SLMAP: variants seen among roughly 807,000 people sequenced by gnomAD.
SLMAP encodes the protein sarcolemma associated protein.
In SLMAP, 44 loss-of-function variants were observed where a neutral mutation model predicts 128.8. The observed-to-expected ratio is 0.34, with a 90% CI of 0.27 to 0.44. SLMAP has a LOEUF of 0.44. Among genes scored for constraint, SLMAP ranks in the 20% least tolerant of loss-of-function variants. The pLI is 1.00. For synonymous variants in SLMAP, 327 were observed against 348.8 expected, an observed-to-expected ratio of 0.94 and a Z score of 0.70; for missense variants, 787 against 985.3, an observed-to-expected ratio of 0.80 and a Z score of 2.69.
chr3:57,912,266 A>T, intron 19 of SLMAP, 115 bp from the exon 20 acceptor site: 1 of 829,390 alleles, frequency 1.2e-6, no homozygotes, highest in Non-Finnish European at 1.9e-6. Context: ...GATTGTTTAT[A>T]CACTTTAATC....
Position 57,757,860 on chromosome 3 carries a change from C to T in SLMAP, c.198+11C>T. Reference sequence around the variant, plus strand: ...CACAAGACGGGCAAGGTAATGTCACCACATTGTCCAGCGGCATTGTTTAAC... The same window carrying T: ...CACAAGACGGGCAAGGTAATGTCACTACATTGTCCAGCGGCATTGTTTAAC... On this transcript the variant is annotated intron_variant, in intron 2 of 24. Coordinates refer to ENST00000671191, the MANE Select transcript of SLMAP (RefSeq NM_001377540.1). 6.2e-7 allele frequency: 1 copy of T among 1,612,992 alleles called. No homozygotes were observed. The highest frequency in any genetic ancestry group is 8.5e-7 in the Non-Finnish European group (1 of 1,179,070).
intron 2 of SLMAP, among the ~76,000 whole-genome samples, chr3:57,818,481 A>G (rs1326645067): frequency 6.6e-6 from 1 of 152,192 alleles, no homozygotes; most frequent in East Asian, 1.9e-4. Context: ...TATCTGAAGT[A>G]TGGGGATAAT....
chr3:57,905,772 A>G lies in SLMAP; in HGVS notation c.1502-2112A>G, dbSNP rs181696363. 1.1e-4 allele frequency among the ~76,000 whole-genome samples: 17 copies of G among 152,282 alleles called. No homozygotes were observed. The East Asian group carries it at 2.3e-3, about 21-fold the overall frequency. ...GTATAAAATTTTTTTTGATTATCAA[A>G]TTATTAACATACAGCAATAGTCCTC... On this transcript the variant is annotated intron_variant, in intron 17 of 24. Transcript: ENST00000671191.
chr3:57,823,520 T>G (rs2092692209), intron 2 of SLMAP, among the ~76,000 whole-genome samples: 1 of 152,212 alleles, frequency 6.6e-6, no homozygotes, highest in African/African-American at 2.4e-5. Flanking sequence ...GTTTCCAGCT[T>G]CATCCATGTC....
intron 3 of SLMAP, among the ~76,000 whole-genome samples, chr3:57,834,956 T>C (rs2093554390): frequency 6.6e-6 from 1 of 151,270 alleles, no homozygotes; most frequent in Non-Finnish European, 1.5e-5. Flanking sequence ...ACCCCATCTC[T>C]ACCAAAAATG....
chr3:57,889,476 G>A (rs976862280), intron 14 of SLMAP, among the ~76,000 whole-genome samples: 3 of 152,158 alleles, frequency 2.0e-5, no homozygotes, highest in Admixed American at 6.5e-5. Context: ...TCAATGAAAC[G>A]TGGAATATGA....
At chr3:57,819,669 C>A (rs2092319615) in intron 2 of SLMAP, among the ~76,000 whole-genome samples, 1 of 152,142 alleles carries the variant, frequency 6.6e-6, no homozygotes, top group Non-Finnish European at 1.5e-5. Flanking sequence ...AACCTAGTGA[C>A]CTTGTTCTTT....
Position 57,890,118 on chromosome 3 carries a change from CTATGTTTTTT to C in SLMAP, c.1360+19_1360+28del. 6.2e-7 allele frequency: 1 copy of C among 1,612,552 alleles called. No homozygotes were observed. On this transcript the variant is annotated intron_variant, in intron 15 of 24. Transcript: ENST00000671191. ...TTCAAAAGGTTTGTTTTCTGTTTTT[CTATGTTTTTT>C]GACAGTTCTTTTGGATAATGAAGGT...
chr3:57,802,421 G>C (rs2088751250), intron 2 of SLMAP, among the ~76,000 whole-genome samples: 2 of 152,018 alleles, frequency 1.3e-5, no homozygotes, highest in South Asian at 4.1e-4. Context: ...GGGATTACAG[G>C]CATGTGCCAC....
chr3:57,902,350 A>G (rs2096406871), intron 17 of SLMAP, among the ~76,000 whole-genome samples: 1 of 152,240 alleles, frequency 6.6e-6, no homozygotes, highest in African/African-American at 2.4e-5. Flanking sequence ...AAAAATCACA[A>G]GCTAGATCAA....
intron 6 of SLMAP, among the ~76,000 whole-genome samples, chr3:57,853,541 T>C (rs1261176983): frequency 2.0e-5 from 3 of 152,178 alleles, no homozygotes; most frequent in Non-Finnish European, 4.4e-5. Context: ...CTAAGTGCTA[T>C]GAGCATTTCA....
chr3:57,814,846 G>T lies in SLMAP; in HGVS notation c.199-16537G>T, dbSNP rs188589898. 1.1e-3 allele frequency among the ~76,000 whole-genome samples: 173 copies of T among 152,134 alleles called. 1 individual carries two copies. The highest frequency in any genetic ancestry group is 1.8e-3 in the Admixed American group (27 of 15,288). ...AAAACAAAACAAAAAAACTAGCTGGGTGTGGTGAATGTGTGCCTGTAGTCC... is the reference window on the plus strand; with the variant it reads ...AAAACAAAACAAAAAAACTAGCTGGTTGTGGTGAATGTGTGCCTGTAGTCC... On this transcript the variant is annotated intron_variant, in intron 2 of 24. Transcript: ENST00000671191.
At chr3:57,847,359 G>T in intron 5 of SLMAP, 126 bp downstream of exon 5, 3 of 607,884 alleles carry the variant, frequency 4.9e-6, no homozygotes, top group African/African-American at 1.9e-5. Context: ...AATGCATATA[G>T]CTATATAGTT....
chr3:57,805,152 C>G (rs1477418921), intron 2 of SLMAP, among the ~76,000 whole-genome samples: 1 of 152,094 alleles, frequency 6.6e-6, no homozygotes, highest in African/African-American at 2.4e-5. Context: ...ACCTTTTTGA[C>G]TATGAAATTC....
rs190750702 is a variant in SLMAP at position 57,810,348 on chromosome 3, G to A, written c.199-21035G>A. Reference sequence around the variant, plus strand: ...GGGATCCAGGCTGGTAGCATGAACCGAGTGCAGCCTGCCAGCCCAAGTAGG... The same window carrying A: ...GGGATCCAGGCTGGTAGCATGAACCAAGTGCAGCCTGCCAGCCCAAGTAGG... On this transcript the variant is annotated intron_variant, in intron 2 of 24. Coordinates refer to ENST00000671191, the MANE Select transcript of SLMAP (RefSeq NM_001377540.1). 1.4e-3 allele frequency among the ~76,000 whole-genome samples: 213 copies of A among 152,290 alleles called. 1 individual carries two copies. The highest frequency in any genetic ancestry group is 4.4e-3 in the African/African-American group (185 of 41,584).
chr3:57,907,699 A>G (rs556482287), intron 17 of SLMAP, among the ~76,000 whole-genome samples, 185 bp from the exon 18 acceptor site: 1 of 152,352 alleles, frequency 6.6e-6, no homozygotes, highest in East Asian at 1.9e-4. Context: ...ACTAATATAT[A>G]TAACTGTATT....
At chr3:57,871,725 A>G in intron 14 of SLMAP, 27 bp downstream of exon 14, 1 of 1,554,006 alleles carries the variant, frequency 6.4e-7, no homozygotes, top group South Asian at 1.1e-5. Context: ...TTTCACATTG[A>G]TTTTAATGAA....
intron 2 of SLMAP, among the ~76,000 whole-genome samples, chr3:57,793,943 T>G (rs266845): frequency 0.15 from 22,677 of 151,612 alleles, 2,225 homozygotes; most frequent in East Asian, 0.43. Context: ...GGTGTATTCC[T>G]GTAGCCCCAG....
intron 2 of SLMAP, among the ~76,000 whole-genome samples, chr3:57,776,123 A>G (rs1368694571): frequency 2.0e-5 from 3 of 152,192 alleles, no homozygotes. Flanking sequence ...AGTAGCAGTT[A>G]GTTGTTATTC....
Sources: gnomAD v4.1 joint callset for allele counts (sites outside exome capture counted in the v4.1 genomes callset) on GRCh38, gnomAD v4.1.1 for gene constraint, MANE v1.5 for transcripts, NCBI Gene and HGNC (gene_info 2026-07-23, HGNC 2026-07-21) for gene names.